Variants in PPP1R9A observed in about 807,000 individuals in gnomAD.
PPP1R9A encodes the protein protein phosphatase 1 regulatory subunit 9A.
PPP1R9A carries 59 observed loss-of-function variants against 141.9 expected under a neutral mutation model. The observed-to-expected ratio is 0.42, with a 90% confidence interval of 0.34 to 0.52. The LOEUF (loss-of-function observed/expected upper bound fraction) is 0.52, where lower values mean the gene tolerates loss of function less well. PPP1R9A is among the 20% of genes least tolerant of loss of function. The pLI is 0.10. For missense variants in PPP1R9A, 1,444 were observed against 1,611.9 expected, an observed-to-expected ratio of 0.90 and a Z score of 1.78; for synonymous variants, 500 against 569.7, an observed-to-expected ratio of 0.88 and a Z score of 1.74.
chr7:95,007,062 A>G (rs1462044930), intron 2 of PPP1R9A, among the ~76,000 whole-genome samples: 1 of 152,044 alleles, frequency 6.6e-6, no homozygotes, highest in Non-Finnish European at 1.5e-5. Context: ...AGGTTTTACC[A>G]TGTTGGTCAG....
At position 95,284,010 on chromosome 7, in the gene PPP1R9A, C is replaced by G. The variant is rs1185555365; in HGVS notation, c.3297-8C>G. 1 of 1,577,912 alleles carries G rather than the reference C, an allele frequency of 6.3e-7. No individual in the cohort carries two copies. Among genetic ancestry groups the G allele is most frequent in the East Asian group, 2.2e-5 (1 of 44,652 alleles). On this transcript the variant is annotated splice_polypyrimidine_tract_variant and splice_region_variant and intron_variant, in intron 16 of 19. Transcript: ENST00000433360. Reference sequence around the variant, plus strand: ...TTATCTAACACACCCATTCTTTTCACAAAACAGGATCTTCAGAGGCAGACT... The same window carrying G: ...TTATCTAACACACCCATTCTTTTCAGAAAACAGGATCTTCAGAGGCAGACT...
intron 5 of PPP1R9A, among the ~76,000 whole-genome samples, chr7:95,180,512 C>T (rs914470456): frequency 1.3e-5 from 2 of 152,040 alleles, no homozygotes; most frequent in African/African-American, 2.4e-5. Flanking sequence ...GCAATAAAAA[C>T]GAAGATAAAT....
intron 2 of PPP1R9A, among the ~76,000 whole-genome samples, chr7:95,019,718 A>G (rs533118470): frequency 1.2e-4 from 18 of 152,334 alleles, no homozygotes; most frequent in African/African-American, 4.1e-4. Context: ...CTCTACATCC[A>G]TTAGGATGGC....
At chr7:95,249,230 C>T (rs899510791) in intron 9 of PPP1R9A, among the ~76,000 whole-genome samples, 4 of 152,158 alleles carry the variant, frequency 2.6e-5, no homozygotes, top group Non-Finnish European at 4.4e-5. Context: ...CTTTTACTTA[C>T]ACTATCTTTT....
Position 95,161,897 on chromosome 7 carries a change from G to A in PPP1R9A, c.1680G>A (p.Val560=), listed in dbSNP as rs990893187. The change falls in exon 5 of 20, where the codon GTG becomes GTA. Residue 560 remains valine (V), a synonymous_variant. Transcript: ENST00000433360. The part of the protein sequence containing the change: ...RIQVNDQIVE[V]DGISLVGVTQ... ...AAGTCAATGACCAGATTGTGGAAGT[G>A]GATGGAATCAGCTTGGTGGGTGTGA... 3.7e-6 allele frequency: 6 copies of A among 1,610,340 alleles called. No individual in the cohort carries two copies. The highest frequency in any genetic ancestry group is 5.1e-6 in the Non-Finnish European group (6 of 1,177,922).
At chr7:95,105,849 A>G (rs1819435683) in intron 2 of PPP1R9A, among the ~76,000 whole-genome samples, 1 of 152,218 alleles carries the variant, frequency 6.6e-6, no homozygotes, top group African/African-American at 2.4e-5. Context: ...GCATTGCTCT[A>G]GACATAGGTG....
chr7:94,914,078 T>C (rs1444659165), intron 2 of PPP1R9A, among the ~76,000 whole-genome samples: 1 of 152,216 alleles, frequency 6.6e-6, no homozygotes, highest in Non-Finnish European at 1.5e-5. Context: ...ATTTATGGAA[T>C]GGGAAGTTGC....
At chr7:95,163,370 C>G (rs1221943290) in intron 5 of PPP1R9A, among the ~76,000 whole-genome samples, 1 of 152,168 alleles carries the variant, frequency 6.6e-6, no homozygotes, top group African/African-American at 2.4e-5. Context: ...TCATTACTCT[C>G]ATGGAAGGAC....
intron 8 of PPP1R9A, among the ~76,000 whole-genome samples, chr7:95,246,328 A>G (rs2152996689): frequency 6.6e-6 from 1 of 152,304 alleles, no homozygotes; most frequent in Non-Finnish European, 1.5e-5. Flanking sequence ...CACTTCTGAT[A>G]AGAAAACCTC....
In PPP1R9A at chr7:95,295,264, GA is replaced by G. The variant is rs1231318960; in HGVS notation, c.*4962del. On this transcript the variant is annotated 3_prime_UTR_variant, in exon 20 of 20. Transcript: ENST00000433360. ...ATTGAATGGCTCATAGATTTTAAGA[GA>G]TTTTTTTATTGTAAGTATTTCTACT... 1.3e-5 allele frequency: 2 copies of G among 152,522 alleles called. No individual in the cohort carries two copies. The highest frequency in any genetic ancestry group is 2.9e-5 in the Non-Finnish European group (2 of 68,018). The allele number at this position is 152,522 out of a possible 1,614,324, so 9.4% of individuals were successfully genotyped here. A position where few individuals can be genotyped will look rare whatever the true frequency, so the allele number is the denominator to read the frequency against.
chr7:95,027,264 A>G (rs1806997112), intron 2 of PPP1R9A, among the ~76,000 whole-genome samples: 1 of 152,120 alleles, frequency 6.6e-6, no homozygotes, highest in Admixed American at 6.6e-5. Context: ...ACCGTGGGAA[A>G]AGTGTAGTAT....
rs1584474021 is a variant in PPP1R9A at position 94,976,898 on chromosome 7, G to A, written c.1395+65390G>A. On this transcript the variant is annotated intron_variant, in intron 2 of 19. Coordinates refer to ENST00000433360, the MANE Select transcript of PPP1R9A (RefSeq NM_001166160.2). ...ACAGACATGGTCCCTTCTTTATGTA[G>A]GTTATATTCTTGCTGGGGATCTAGA... is the stretch of plus-strand genomic sequence containing the variant. Among the ~76,000 whole-genome samples, 3 of 151,956 alleles carry A rather than the reference G, an allele frequency of 2.0e-5. No homozygotes were observed. In the South Asian group the frequency reaches 6.2e-4, roughly 32 times the overall value.
intron 12 of PPP1R9A, among the ~76,000 whole-genome samples, chr7:95,259,606 G>A (rs565264646): frequency 6.6e-6 from 1 of 152,196 alleles, no homozygotes; most frequent in Non-Finnish European, 1.5e-5. Context: ...TTGAGGCCAG[G>A]CCAGACCCCT....
At chr7:95,046,227 T>C (rs996422100) in intron 2 of PPP1R9A, among the ~76,000 whole-genome samples, 10 of 152,110 alleles carry the variant, frequency 6.6e-5, no homozygotes, top group South Asian at 6.2e-4. Context: ...TACAGGAGTA[T>C]GTGCCACCAC....
Position 95,293,248 on chromosome 7 carries a change from A to G in PPP1R9A, c.*2945A>G, listed in dbSNP as rs1040779339. 1.3e-5 allele frequency: 2 copies of G among 152,168 alleles called. No individual in the cohort carries two copies. The highest frequency in any genetic ancestry group is 4.8e-5 in the African/African-American group (2 of 41,426). 9.4% of individuals were successfully genotyped at this position (152,168 alleles called of 1,614,324 possible). On this transcript the variant is annotated 3_prime_UTR_variant, in exon 20 of 20. Coordinates refer to ENST00000433360, the MANE Select transcript of PPP1R9A (RefSeq NM_001166160.2). ...ATAACAGATTACTTTGTTTAAGACC[A>G]TCTCCCTTCAAGTAACTCACAGTTT...
intron 16 of PPP1R9A, among the ~76,000 whole-genome samples, chr7:95,275,581 C>T (rs953319706): frequency 6.6e-6 from 1 of 151,794 alleles, no homozygotes; most frequent in Non-Finnish European, 1.5e-5. Flanking sequence ...ATGCCACCTT[C>T]AGTTACTTAT....
At chr7:95,035,466 C>T (rs1450528003) in intron 2 of PPP1R9A, among the ~76,000 whole-genome samples, 1 of 152,086 alleles carries the variant, frequency 6.6e-6, no homozygotes, top group Non-Finnish European at 1.5e-5. Flanking sequence ...CTTGCCAAAT[C>T]TGTGGGAGTT....
At chr7:94,956,564 C>T (rs942825243) in intron 2 of PPP1R9A, among the ~76,000 whole-genome samples, 2 of 152,014 alleles carry the variant, frequency 1.3e-5, no homozygotes, top group African/African-American at 2.4e-5. Context: ...TATCATTGTA[C>T]TGTAGTCATA....
In PPP1R9A at chr7:95,287,166, G is replaced by C. The variant is rs775610204; in HGVS notation, c.3729+841G>C. 4 of 1,607,702 alleles carry C rather than the reference G, an allele frequency of 2.5e-6. No homozygotes were observed. The South Asian group carries it at 3.3e-5, about 13-fold the overall frequency. ...ATCAGTGGGCTGTGTGTGGTGGCTT[G>C]TGTGCTATTGTTTGAATGTGTTTTT... On this transcript the variant is annotated intron_variant, in intron 18 of 19. Coordinates refer to ENST00000433360, the MANE Select transcript of PPP1R9A (RefSeq NM_001166160.2).
Sources: gnomAD v4.1 joint callset for allele counts (sites outside exome capture counted in the v4.1 genomes callset) on GRCh38, gnomAD v4.1.1 for gene constraint, MANE v1.5 for transcripts, NCBI Gene and HGNC (gene_info 2026-07-23, HGNC 2026-07-21) for gene names.